ZNF362: variants seen among roughly 807,000 people sequenced by gnomAD.
ZNF362 encodes zinc finger protein 362.
In ZNF362, 11 loss-of-function variants were observed where a neutral mutation model predicts 42.9. The ratio of observed to expected loss-of-function variants is 0.26; its 90% CI spans 0.16 to 0.42. ZNF362 has a LOEUF of 0.42. ZNF362 is among the 20% of genes least tolerant of loss of function. The probability of loss-of-function intolerance (pLI) is 1.00; values close to 1 mark genes in which losing one functional copy is unlikely to be tolerated. For missense variants in ZNF362, 362 were observed against 576.2 expected, an observed-to-expected ratio of 0.63 and a Z score of 3.81; for synonymous variants, 255 against 257.3, an observed-to-expected ratio of 0.99 and a Z score of 0.09.
chr1:33,195,436 CT>C, the ZNF362 span: 1 of 152,140 alleles, frequency 6.6e-6, no homozygotes, highest in Non-Finnish European at 1.5e-5. Flanking sequence ...AGGATGTATT[CT>C]GAGAAATGCA....
At chr1:33,182,600 TTG>T in the ZNF362 span, among the ~76,000 whole-genome samples, 6,589 of 146,916 alleles carry the variant, frequency 0.045, 178 homozygotes, top group East Asian at 0.11. Flanking sequence ...AGTGCTGTAT[TTG>T]TGTGTGTGTG....
rs769990278 is a variant in ZNF362 at position 33,294,904 on chromosome 1, G to C, written c.909-33G>C. The C allele has an allele frequency of 6.2e-7, 1 of 1,613,226 alleles. No homozygotes were observed. On this transcript the variant is annotated intron_variant, in intron 6 of 8. Coordinates refer to ENST00000539719, the MANE Select transcript of ZNF362 (RefSeq NM_152493.3). This position sits in a 1 kb window ranked among gnomAD's most constrained non-coding sequence, Gnocchi z 4.2. ...TGGAGCGGTCTTGGGGTGTGTGTCA[G>C]GGACTTCGACCTTACTGGGCTGCCC...
intron 1 of ZNF362, among the ~76,000 whole-genome samples, chr1:33,259,759 A>G (rs1166471403): frequency 6.6e-6 from 1 of 152,184 alleles, no homozygotes; most frequent in African/African-American, 2.4e-5. Flanking sequence ...TAGCCAGGGC[A>G]GTGTTTGCTG....
At chr1:33,268,121 C>A (rs1008427753) in intron 1 of ZNF362, among the ~76,000 whole-genome samples, 11 of 152,236 alleles carry the variant, frequency 7.2e-5, no homozygotes, top group African/African-American at 2.4e-4. Context: ...TAGCTGTTAA[C>A]ATCCTTTTTG....
At chr1:33,130,493 A>C in the ZNF362 span, among the ~76,000 whole-genome samples, 2 of 152,152 alleles carry the variant, frequency 1.3e-5, no homozygotes, top group Admixed American at 6.5e-5. Flanking sequence ...ACAGATGACT[A>C]ATCAACGGCT....
the ZNF362 span, among the ~76,000 whole-genome samples, chr1:33,134,587 C>G: frequency 6.6e-6 from 1 of 152,122 alleles, no homozygotes; most frequent in South Asian, 2.1e-4. Flanking sequence ...AGAAAGACCT[C>G]CTAATCCGGT....
chr1:33,202,906 T>TAC, the ZNF362 span, among the ~76,000 whole-genome samples: 3 of 152,172 alleles, frequency 2.0e-5, no homozygotes, highest in Non-Finnish European at 4.4e-5. Context: ...ATGTTTGGTA[T>TAC]ACATACATTT....
chr1:33,202,291 A>T, the ZNF362 span, among the ~76,000 whole-genome samples: 1 of 152,204 alleles, frequency 6.6e-6, no homozygotes, highest in African/African-American at 2.4e-5. Context: ...GAATTTAACA[A>T]TATATAAAGA....
At chr1:33,173,683 T>G in the ZNF362 span, among the ~76,000 whole-genome samples, 6 of 151,804 alleles carry the variant, frequency 4.0e-5, no homozygotes, top group African/African-American at 1.4e-4. Context: ...TCTTTCTTTT[T>G]TTTTTTTTTC....
chr1:33,183,631 G>T, the ZNF362 span, among the ~76,000 whole-genome samples: 1 of 152,192 alleles, frequency 6.6e-6, no homozygotes, highest in Non-Finnish European at 1.5e-5. Context: ...GTGACGGTTT[G>T]GGCAGGTCCA....
intron 2 of ZNF362, among the ~76,000 whole-genome samples, chr1:33,274,195 G>A (rs867724352): frequency 5.9e-5 from 9 of 152,214 alleles, no homozygotes; most frequent in Middle Eastern, 3.2e-3. Flanking sequence ...CCCTGAATAC[G>A]TAAGGGACTG....
chr1:33,189,634 CATATAT>C, the ZNF362 span, among the ~76,000 whole-genome samples: 183 of 55,546 alleles, frequency 3.3e-3, 6 homozygotes, highest in African/African-American at 8.1e-3. Flanking sequence ...CACATTCCAG[CATATAT>C]ATATATATAT....
intron 2 of ZNF362, among the ~76,000 whole-genome samples, chr1:33,272,888 T>G (rs1645914700): frequency 6.6e-6 from 1 of 152,370 alleles, no homozygotes; most frequent in East Asian, 1.9e-4. Flanking sequence ...CTTTCACATC[T>G]CCACACCTTT....
chr1:33,252,489 T>A (rs750508843), upstream of ZNF362, among the ~76,000 whole-genome samples: 2 of 152,156 alleles, frequency 1.3e-5, no homozygotes, highest in Non-Finnish European at 2.9e-5. Flanking sequence ...TCAGTCTAGG[T>A]CTCTGAGTGA....
chr1:33,245,623 C>G, the ZNF362 span, among the ~76,000 whole-genome samples: 1 of 152,090 alleles, frequency 6.6e-6, no homozygotes, highest in South Asian at 2.1e-4. Flanking sequence ...AACAAAAATC[C>G]AACAGCAAGT....
the ZNF362 span, among the ~76,000 whole-genome samples, chr1:33,229,334 GAAT>G: frequency 6.6e-6 from 1 of 151,840 alleles, no homozygotes; most frequent in Admixed American, 6.6e-5. Context: ...GCCATCTGTG[GAAT>G]GAATGAGTGG....
At chr1:33,133,113 C>T in the ZNF362 span, among the ~76,000 whole-genome samples, 18 of 152,192 alleles carry the variant, frequency 1.2e-4, no homozygotes, top group Admixed American at 1.3e-4. Context: ...TCGAGGGCAG[C>T]CTTGGCCCAT....
At chr1:33,267,777 G>C (rs1378769554) in intron 1 of ZNF362, among the ~76,000 whole-genome samples, 1 of 152,166 alleles carries the variant, frequency 6.6e-6, no homozygotes, top group African/African-American at 2.4e-5. Flanking sequence ...AATTTCGGCT[G>C]TTCCAGGTTT....
chr1:33,224,792 A>T, the ZNF362 span, among the ~76,000 whole-genome samples: 1 of 152,238 alleles, frequency 6.6e-6, no homozygotes, highest in Non-Finnish European at 1.5e-5. Context: ...AAGTCATAAG[A>T]TGCATTAAGA....
Sources: gnomAD v4.1 joint callset for allele counts (sites outside exome capture counted in the v4.1 genomes callset) on GRCh38, gnomAD v4.1.1 for gene constraint, Gnocchi (gnomAD v3.1) non-coding constraint, MANE v1.5 for transcripts, NCBI Gene and HGNC (gene_info 2026-07-23, HGNC 2026-07-21) for gene names.